Variants in MSN observed in about 807,000 individuals in gnomAD.
The protein encoded by MSN is moesin.
MSN carries 2 observed loss-of-function variants against 48.0 expected under a neutral mutation model. The observed-to-expected ratio is 0.04, with a 90% CI of 0.02 to 0.13. MSN has a LOEUF of 0.13. Among genes scored for constraint, MSN ranks in the 10% least tolerant of loss-of-function variants. MSN has a pLI of 1.00. For synonymous variants in MSN, 146 were observed against 166.9 expected, an observed-to-expected ratio of 0.87 and a Z score of 0.97; for missense variants, 267 against 470.1, an observed-to-expected ratio of 0.57 and a Z score of 3.99.
At chrX:65,634,537 C>A (rs1406810024) in intron 1 of MSN, among the ~76,000 whole-genome samples, 1 of 110,493 alleles carries the variant, frequency 9.1e-6, no homozygotes, top group Non-Finnish European at 1.9e-5. Context: ...CACTTGAACC[C>A]GGGAGGCAGA....
chrX:65,667,536 G>T (rs2070885066), upstream of MSN: 1 of 685,181 alleles, frequency 1.5e-6, no homozygotes, highest in Middle Eastern at 7.6e-4. Flanking sequence ...GGCTGCGCCG[G>T]GCCTGGCCAG....
chrX:65,618,116 T>C (rs889852219), intron 1 of MSN, among the ~76,000 whole-genome samples: 5 of 111,994 alleles, frequency 4.5e-5, no homozygotes, highest in Admixed American at 2.9e-4. Context: ...TGAGGATTTC[T>C]TCACTTCCAA....
chrX:65,637,108 G>T (rs1385052165), intron 1 of MSN, among the ~76,000 whole-genome samples: 3 of 99,430 alleles, frequency 3.0e-5, no homozygotes, highest in Admixed American at 2.2e-4. Context: ...AAAAAAGAAA[G>T]AAAAGAATAT....
intron 2 of MSN, among the ~76,000 whole-genome samples, chrX:65,718,852 TAGAATTGGG>T (rs998793829): frequency 3.0e-5 from 3 of 100,980 alleles, no homozygotes; most frequent in African/African-American, 1.3e-4. Flanking sequence ...AAAAATAATC[TAGAATTGGG>T]AGAATTGGGA....
At chrX:65,736,584 G>A (rs2071678476) in intron 8 of MSN, among the ~76,000 whole-genome samples, 1 of 110,614 alleles carries the variant, frequency 9.0e-6, no homozygotes, top group Non-Finnish European at 1.9e-5. Flanking sequence ...ACAGGCGCAT[G>A]CCACTATGCC....
chrX:65,607,826 A>T, intron 1 of MSN, among the ~76,000 whole-genome samples: 1 of 111,509 alleles, frequency 9.0e-6, no homozygotes, highest in South Asian at 3.8e-4. Flanking sequence ...CATAAAGGCA[A>T]ATATAAGGAA....
At chrX:65,630,995 C>T (rs1026538479) in intron 1 of MSN, among the ~76,000 whole-genome samples, 3 of 111,095 alleles carry the variant, frequency 2.7e-5, no homozygotes, top group African/African-American at 9.8e-5. Flanking sequence ...ATATTGACAT[C>T]GATATAGTCA....
rs756228649 is a variant in MSN at position 65,739,917 on chromosome X, C to T, written c.*24C>T. 1.7e-5 allele frequency: 20 copies of T among 1,191,717 alleles called. No individual in the cohort carries two copies. The highest frequency in any genetic ancestry group is 5.6e-6 in the Non-Finnish European group (5 of 884,970). ...AATGGGCACCCAGCCTCTAGGGACC[C>T]CTCCTCCCTTTTTCCTTGTCCCCAC... is the stretch of plus-strand genomic sequence containing the variant. On this transcript the variant is annotated 3_prime_UTR_variant, in exon 13 of 13. Transcript: ENST00000360270.
At chrX:65,665,259 T>A (rs904333853), upstream of MSN, among the ~76,000 whole-genome samples, 1 of 111,606 alleles carries the variant, frequency 9.0e-6, no homozygotes, top group Non-Finnish European at 1.9e-5. Flanking sequence ...TAGGTGAACA[T>A]GAGTGAAGAA....
chrX:65,649,231 G>A (rs1280034891), intron 1 of MSN, among the ~76,000 whole-genome samples: 1 of 101,824 alleles, frequency 9.8e-6, no homozygotes, highest in East Asian at 2.9e-4. Flanking sequence ...GCTGGTAGGT[G>A]GTAGCTTAAA....
chrX:65,714,545 G>C (rs774474197), intron 1 of MSN, among the ~76,000 whole-genome samples: 1 of 111,014 alleles, frequency 9.0e-6, no homozygotes, highest in East Asian at 2.8e-4. Flanking sequence ...ATCTCATTGT[G>C]GTTTTGATTT....
intron 4 of MSN, among the ~76,000 whole-genome samples, 176 bp from the exon 5 acceptor site, chrX:65,730,931 C>A (rs2071616070): frequency 8.9e-6 from 1 of 112,004 alleles, no homozygotes; most frequent in Admixed American, 9.5e-5. Context: ...TCAGGCAATT[C>A]CTTGTGTCTA....
At chrX:65,605,020 A>T (rs1199693537) in intron 1 of MSN, among the ~76,000 whole-genome samples, 1 of 112,464 alleles carries the variant, frequency 8.9e-6, no homozygotes, top group Non-Finnish European at 1.9e-5. Context: ...CTCAGGACTT[A>T]CAATCCTATT....
chrX:65,657,224 G>A (rs1444588270), intron 1 of MSN, among the ~76,000 whole-genome samples: 8 of 111,703 alleles, frequency 7.2e-5, no homozygotes, highest in Non-Finnish European at 1.3e-4. Context: ...AAAAGACGAC[G>A]CCAACAGCAA....
chrX:65,680,989 G>C (rs755367851), intron 1 of MSN, among the ~76,000 whole-genome samples: 165 of 110,794 alleles, frequency 1.5e-3, no homozygotes, highest in Middle Eastern at 0.014. Flanking sequence ...GGCCTAAAGT[G>C]ATCCACCCAC....
At chrX:65,639,527 C>T (rs2070632207) in intron 1 of MSN, among the ~76,000 whole-genome samples, 1 of 112,012 alleles carries the variant, frequency 8.9e-6, no homozygotes, top group South Asian at 3.7e-4. Context: ...TGGAGGTTTG[C>T]TGTCTGCCAG....
intron 1 of MSN, among the ~76,000 whole-genome samples, chrX:65,634,407 G>A (rs2070582585): frequency 8.9e-6 from 1 of 112,236 alleles, no homozygotes; most frequent in African/African-American, 3.2e-5. Flanking sequence ...GAGGTCAGGA[G>A]TTCGAGACCA....
rs2070890697 is a variant in MSN at position 65,667,917 on chromosome X, T to C, written c.12+64T>C. 1.0e-5 allele frequency: 12 copies of C among 1,143,039 alleles called. No individual in the cohort carries two copies. In the Admixed American group the frequency reaches 1.6e-4, roughly 15 times the overall value. The allele number at this position is 1,143,039 out of a possible 1,213,427, so 94.2% of individuals were successfully genotyped here. On this transcript the variant is annotated intron_variant, in intron 1 of 12. Coordinates refer to ENST00000360270, the MANE Select transcript of MSN (RefSeq NM_002444.3). ...CTGGCTGAGCCTCATAGCCCTTTGC[T>C]GATGGCTGAGGGCTTGGCCAGCCAC...
intron 1 of MSN, among the ~76,000 whole-genome samples, chrX:65,606,425 C>A (rs1295545497): frequency 9.1e-6 from 1 of 109,946 alleles, no homozygotes; most frequent in Non-Finnish European, 1.9e-5. Context: ...CCACACCCGG[C>A]CTGTTTTTAT....
Sources: allele counts gnomAD v4.1 joint callset (sites outside exome capture counted in the v4.1 genomes callset), GRCh38; gene constraint gnomAD v4.1.1; transcripts MANE v1.5; gene names NCBI Gene and HGNC (gene_info 2026-07-23, HGNC 2026-07-21).